PER2: variants seen among roughly 807,000 people sequenced by gnomAD.
PER2 encodes period circadian protein homolog 2.
Under a neutral mutation model 121.0 loss-of-function variants are expected in PER2, and 66 were observed. That is an observed-to-expected ratio of 0.55 (90% CI 0.45 to 0.67). PER2 has a LOEUF of 0.67. Among genes scored for constraint, PER2 ranks in the 30% least tolerant of loss-of-function variants. PER2 has a pLI of 0.00. For synonymous variants in PER2, 684 were observed against 659.9 expected (o/e 1.04, Z -0.56); for missense variants, 1,521 against 1,635.0 (o/e 0.93, Z 1.20).
chr2:238,294,334 A>G (rs555951810), upstream of PER2, among the ~76,000 whole-genome samples: 627 of 152,320 alleles, frequency 4.1e-3, 3 homozygotes, highest in Middle Eastern at 6.8e-3. Context: ...ACCTCCAACC[A>G]TGGACATCTT....
At chr2:238,249,286 T>C (rs1695535723) in intron 21 of PER2, 74 bp from the exon 22 acceptor site, 2 of 1,447,092 alleles carry the variant, frequency 1.4e-6, no homozygotes, top group South Asian at 1.2e-5. Context: ...TTCAGAATAA[T>C]GTAGTTTTAG....
chr2:238,280,216 C>G (rs751456382), intron 1 of PER2, among the ~76,000 whole-genome samples: 5 of 152,200 alleles, frequency 3.3e-5, no homozygotes, highest in Non-Finnish European at 7.3e-5. Context: ...TGGCTAAGCT[C>G]CAACAAGAGC....
At chr2:238,273,233 G>T in intron 4 of PER2, 42 bp from the exon 5 acceptor site, 1 of 1,605,036 alleles carries the variant, frequency 6.2e-7, no homozygotes, top group Non-Finnish European at 8.5e-7. Flanking sequence ...AGAACCCAGC[G>T]CTTGGCCGGA....
At chr2:238,263,444 G>A (rs892363433) in intron 9 of PER2, among the ~76,000 whole-genome samples, 41 of 152,010 alleles carry the variant, frequency 2.7e-4, no homozygotes, top group African/African-American at 8.9e-4. Context: ...CCTGGGCCTC[G>A]GAAAACCCTT....
intron 14 of PER2, among the ~76,000 whole-genome samples, chr2:238,259,746 T>A (rs1410303762): frequency 2.0e-5 from 3 of 152,216 alleles, no homozygotes; most frequent in East Asian, 1.9e-4. Context: ...CTGCAGGGCA[T>A]CAGGTGCCCA....
chr2:238,298,470 T>A, the PER2 span: 1 of 152,246 alleles, frequency 6.6e-6, no homozygotes, highest in African/African-American at 2.4e-5. Context: ...CCCACCTGTT[T>A]CAGAGTCACA....
upstream of PER2, among the ~76,000 whole-genome samples, chr2:238,288,975 C>A (rs542051392): frequency 1.3e-5 from 2 of 152,220 alleles, no homozygotes; most frequent in Non-Finnish European, 2.9e-5. Context: ...TCGTCGGTTC[C>A]TCAATGGAGA....
intron 12 of PER2, among the ~76,000 whole-genome samples, chr2:238,261,262 G>A (rs1695921171): frequency 6.6e-6 from 1 of 152,262 alleles, no homozygotes; most frequent in African/African-American, 2.4e-5. Context: ...AAACAAACAA[G>A]ATGCGATGAC....
In PER2 at chr2:238,268,102, C is replaced by G; in HGVS notation, c.921G>C (p.Gln307His). 6.2e-7 allele frequency: 1 copy of G among 1,614,176 alleles called. No homozygotes were observed. Among genetic ancestry groups the G allele is most frequent in the Non-Finnish European group, 8.5e-7 (1 of 1,180,026 alleles). Residue 307 changes from glutamine (Q) to histidine (H), a missense_variant, in exon 8 of 23, where the codon CAG becomes CAC. Gln to His is a conservative substitution (Grantham distance 24). Coordinates refer to ENST00000254657, the MANE Select transcript of PER2 (RefSeq NM_022817.3). This position sits in a 1 kb window ranked among gnomAD's most constrained non-coding sequence, Gnocchi z 4.0. ...TCTCTGCCAGCAGAAGGCAGCAAAG[C>G]TGACTCTCAGCACCTTGTTGGTCCC... ...KVRDQQGAES[Q>H]LCCLLLAERV...
upstream of PER2, among the ~76,000 whole-genome samples, chr2:238,292,988 G>T (rs1256665402): frequency 6.6e-6 from 1 of 150,786 alleles, no homozygotes; most frequent in African/African-American, 2.4e-5. Flanking sequence ...CGCCCGCCTC[G>T]GCCTCCCAAA....
At chr2:238,276,262 G>C (rs917712169) in intron 3 of PER2, among the ~76,000 whole-genome samples, 8 of 152,248 alleles carry the variant, frequency 5.3e-5, no homozygotes, top group Non-Finnish European at 7.3e-5. Flanking sequence ...CAATAGACCA[G>C]GGAGACCCTG....
At position 238,251,651 on chromosome 2, in the gene PER2, C is replaced by G; in HGVS notation, c.3222G>C (p.Ser1074=). 6.2e-7 allele frequency: 1 copy of G among 1,614,178 alleles called. No homozygotes were observed. Among genetic ancestry groups the G allele is most frequent in the East Asian group, 2.2e-5 (1 of 44,888 alleles). Residue 1074 remains serine, a synonymous_variant, in exon 20 of 23, where the codon TCG becomes TCC. Transcript: ENST00000254657. ...DLCSASGSAA[S]ESLGSGSLGC... ...CCAGTGAGCCGGAGCCCAGAGACTC[C>G]GAAGCAGCAGAGCCCGAGGCTGAGC...
the PER2 span, chr2:238,299,972 A>G: frequency 2.0e-5 from 3 of 152,280 alleles, no homozygotes; most frequent in East Asian, 1.9e-4. Flanking sequence ...AATGTGTGCC[A>G]GCAGGAGCTG....
Position 238,249,165 on chromosome 2 carries a change from A to T in PER2, c.3515T>A (p.Leu1172Gln). Residue 1172 changes from leucine to glutamine, a missense_variant, in exon 22 of 23, where the codon CTA becomes CAA. By Grantham distance (113) the Leu-to-Gln change is moderately radical. Transcript: ENST00000254657. ...CGTGAACCTGGGCTGGAGTTTCTGT[A>T]GGAGCTTCAGCTTCTCTCTGTCCTC... ...LKEDREKLKL[L>Q]QKLQPRFTES... 6.2e-7 allele frequency: 1 copy of T among 1,614,074 alleles called. No homozygotes were observed. Among genetic ancestry groups the T allele is most frequent in the Non-Finnish European group, 8.5e-7 (1 of 1,179,910 alleles).
At chr2:238,251,497 C>T (rs1252814201) in intron 20 of PER2, 102 bp downstream of exon 20, 5 of 1,059,694 alleles carry the variant, frequency 4.7e-6, no homozygotes, top group Admixed American at 1.7e-5. Flanking sequence ...TGGGGAGTGC[C>T]GGTGATCCCT....
chr2:238,271,920 CAG>C (rs766165243), intron 5 of PER2, among the ~76,000 whole-genome samples: 1 of 151,964 alleles, frequency 6.6e-6, no homozygotes, highest in Non-Finnish European at 1.5e-5. Flanking sequence ...CCCCTCCTCC[CAG>C]AGAGATTCCA....
chr2:238,253,790 T>C lies in PER2; in HGVS notation c.2321-88A>G, dbSNP rs544706418. 879 of 1,085,080 alleles carry C rather than the reference T, an allele frequency of 8.1e-4. 10 individuals are homozygous for C. The South Asian group carries it at 0.011, about 14-fold the overall frequency. 67.2% of individuals were successfully genotyped at this position (1,085,080 alleles called of 1,614,324 possible). A position where few individuals can be genotyped will look rare whatever the true frequency, so the allele number is the denominator to read the frequency against. ...CGTTCAACAGTCCTGGGTTTCCAAATGCTGGCCCAGGGCCTGCCTGGTCCA... is the reference window on the plus strand; with the variant it reads ...CGTTCAACAGTCCTGGGTTTCCAAACGCTGGCCCAGGGCCTGCCTGGTCCA... On this transcript the variant is annotated intron_variant, in intron 18 of 22. Transcript: ENST00000254657. The surrounding 1 kb of genome is among the most constrained non-coding windows in gnomAD (Gnocchi z 5.6).
upstream of PER2, among the ~76,000 whole-genome samples, chr2:238,290,437 C>T (rs1696930325): frequency 6.6e-6 from 1 of 152,182 alleles, no homozygotes; most frequent in African/African-American, 2.4e-5. Flanking sequence ...AGTAAACAGA[C>T]AGCTCATCCA....
Position 238,252,815 on chromosome 2 carries a change from C to A in PER2, c.3111+97G>T. ...TACAGGGTTTGGTGGAAACCTCAAT[C>A]GTGTAACCCCCATGTCTGAACTGAG... is the stretch of plus-strand genomic sequence containing the variant. On this transcript the variant is annotated intron_variant, in intron 19 of 22. Transcript: ENST00000254657. The surrounding 1 kb of genome is among the most constrained non-coding windows in gnomAD (Gnocchi z 4.2). 1 of 1,074,824 alleles carries A rather than the reference C, an allele frequency of 9.3e-7. No homozygotes were observed. 66.6% of individuals were successfully genotyped at this position (1,074,824 alleles called of 1,614,324 possible).
Sources: allele counts gnomAD v4.1 joint callset (sites outside exome capture counted in the v4.1 genomes callset), GRCh38; gene constraint gnomAD v4.1.1; non-coding constraint Gnocchi (gnomAD v3.1); transcripts MANE v1.5; gene names NCBI Gene and HGNC (gene_info 2026-07-23, HGNC 2026-07-21).